Variants in CUL3 observed in about 807,000 individuals in gnomAD.
CUL3 encodes the protein cullin-3.
A neutral mutation model predicts 89.1 loss-of-function variants in CUL3; 19 were observed. That is an observed-to-expected ratio of 0.21 (90% CI 0.15 to 0.31). CUL3 has a LOEUF of 0.31. CUL3 is among the 10% of genes least tolerant of loss of function. CUL3 has a pLI of 1.00. For synonymous variants in CUL3, 351 were observed against 308.4 expected (o/e 1.14, Z -1.45); for missense variants, 469 against 942.3 (o/e 0.50, Z 6.58).
At chr2:224,578,427 T>A (rs1180651104) in intron 1 of CUL3, among the ~76,000 whole-genome samples, 1 of 152,124 alleles carries the variant, frequency 6.6e-6, no homozygotes, top group Admixed American at 6.5e-5. Context: ...CACATGAAAA[T>A]GTTAATGTTG....
At chr2:224,476,140 C>T (rs1691311667) in intron 15 of CUL3, among the ~76,000 whole-genome samples, 1 of 152,048 alleles carries the variant, frequency 6.6e-6, no homozygotes, top group African/African-American at 2.4e-5. Context: ...TCTCCTGCCT[C>T]AGCCTCCCGA....
intron 1 of CUL3, among the ~76,000 whole-genome samples, chr2:224,565,433 G>A (rs1387151342): frequency 6.6e-6 from 1 of 152,146 alleles, no homozygotes; most frequent in East Asian, 1.9e-4. Context: ...GGAGGCAGGA[G>A]AGGGAGCCAT....
intron 1 of CUL3, among the ~76,000 whole-genome samples, chr2:224,567,985 T>C: frequency 6.6e-6 from 1 of 152,192 alleles, no homozygotes; most frequent in East Asian, 1.9e-4. Context: ...AATATACAAC[T>C]TGCTGTTTCT....
intron 3 of CUL3, among the ~76,000 whole-genome samples, chr2:224,526,183 G>A (rs1693465840): frequency 6.6e-6 from 1 of 152,202 alleles, no homozygotes; most frequent in Non-Finnish European, 1.5e-5. Context: ...GCAGGAACTA[G>A]TTTCTTAATT....
rs1442612912 is a variant in CUL3, at chr2:224,470,471, C to T, written c.*3774G>A. Reference sequence around the variant, plus strand: ...CCTGAGAGCTGGCGTAATGGCCAATCTCTGTATCATTACCTGTTAAATTTA... The same window carrying T: ...CCTGAGAGCTGGCGTAATGGCCAATTTCTGTATCATTACCTGTTAAATTTA... On this transcript the variant is annotated 3_prime_UTR_variant, in exon 16 of 16. Coordinates refer to ENST00000264414, the MANE Select transcript of CUL3 (RefSeq NM_003590.5). 1.7e-5 allele frequency: 4 copies of T among 230,324 alleles called. No homozygotes were observed. The highest frequency in any genetic ancestry group is 3.4e-5 in the Non-Finnish European group (4 of 116,538). The allele number at this position is 230,324 out of a possible 1,614,324, so 14.3% of individuals were successfully genotyped here.
chr2:224,502,894 G>A, intron 10 of CUL3, 71 bp downstream of exon 10: 2 of 1,035,838 alleles, frequency 1.9e-6, no homozygotes, highest in South Asian at 1.4e-5. Flanking sequence ...CATCTGCTAA[G>A]TGGATGAAAA....
chr2:224,479,656 T>G (rs925983997), intron 14 of CUL3: 1 of 152,184 alleles, frequency 6.6e-6, no homozygotes, highest in Non-Finnish European at 1.5e-5. Flanking sequence ...GGGAAACTAC[T>G]GAGATATTTG....
intron 1 of CUL3, among the ~76,000 whole-genome samples, chr2:224,572,105 C>T (rs1260038754): frequency 3.9e-5 from 6 of 152,132 alleles, no homozygotes; most frequent in East Asian, 1.9e-4. Flanking sequence ...TGAGTTATTA[C>T]GGCTACATGT....
chr2:224,484,842 AAGATG>A (rs1691658702), intron 13 of CUL3, among the ~76,000 whole-genome samples: 1 of 152,214 alleles, frequency 6.6e-6, no homozygotes, highest in Admixed American at 6.5e-5. Context: ...GAGATCTGGC[AAGATG>A]GCCGAATAGG....
intron 1 of CUL3, among the ~76,000 whole-genome samples, chr2:224,573,833 A>G (rs574894034): frequency 2.0e-5 from 3 of 152,314 alleles, no homozygotes; most frequent in African/African-American, 7.2e-5. Flanking sequence ...TAACCACATT[A>G]TACTTAAAAT....
chr2:224,537,686 G>A (rs771265845), intron 2 of CUL3, among the ~76,000 whole-genome samples: 2 of 151,880 alleles, frequency 1.3e-5, no homozygotes, highest in Non-Finnish European at 2.9e-5. Flanking sequence ...AGCAATCTAC[G>A]CTACATACAA....
intron 3 of CUL3, among the ~76,000 whole-genome samples, chr2:224,518,300 C>T (rs1339401190): frequency 6.6e-5 from 10 of 152,248 alleles, no homozygotes; most frequent in African/African-American, 1.9e-4. Flanking sequence ...TAACATACAA[C>T]AGTATTTCCT....
At chr2:224,530,264 A>T (rs928139556) in intron 3 of CUL3, among the ~76,000 whole-genome samples, 11 of 152,016 alleles carry the variant, frequency 7.2e-5, no homozygotes, top group African/African-American at 2.7e-4. Context: ...AACAAAACAA[A>T]AACAAAAACA....
At chr2:224,571,807 C>A (rs1368208742) in intron 1 of CUL3, among the ~76,000 whole-genome samples, 2 of 152,126 alleles carry the variant, frequency 1.3e-5, no homozygotes, top group Admixed American at 6.5e-5. Context: ...AAACAAAGGC[C>A]ACAGGAAAAG....
intron 3 of CUL3, among the ~76,000 whole-genome samples, chr2:224,515,845 A>AT (rs1416651364): frequency 6.6e-6 from 1 of 152,068 alleles, no homozygotes; most frequent in Non-Finnish European, 1.5e-5. Flanking sequence ...GGCATATACC[A>AT]TCATGCCTGG....
At chr2:224,547,418 G>A (rs1694346084) in intron 2 of CUL3, among the ~76,000 whole-genome samples, 1 of 151,952 alleles carries the variant, frequency 6.6e-6, no homozygotes, top group South Asian at 2.1e-4. Flanking sequence ...GTTATCTACC[G>A]GGACAGTATT....
At chr2:224,543,103 T>C (rs1476134838) in intron 2 of CUL3, among the ~76,000 whole-genome samples, 2 of 152,206 alleles carry the variant, frequency 1.3e-5, no homozygotes, top group Admixed American at 1.3e-4. Context: ...ATTAAATGTC[T>C]AGGTAAAACA....
At chr2:224,540,741 T>C (rs1694072955) in intron 2 of CUL3, among the ~76,000 whole-genome samples, 1 of 152,210 alleles carries the variant, frequency 6.6e-6, no homozygotes, top group African/African-American at 2.4e-5. Flanking sequence ...TGCAGGTTTG[T>C]TACATAGGTA....
chr2:224,564,568 A>C (rs958035893), intron 1 of CUL3, among the ~76,000 whole-genome samples: 1 of 152,168 alleles, frequency 6.6e-6, no homozygotes, highest in Non-Finnish European at 1.5e-5. Context: ...CTAAATTGTA[A>C]ATTAAACGTC....
Sources: gnomAD v4.1 joint callset for allele counts (sites outside exome capture counted in the v4.1 genomes callset) on GRCh38, gnomAD v4.1.1 for gene constraint, MANE v1.5 for transcripts, NCBI Gene and HGNC (gene_info 2026-07-23, HGNC 2026-07-21) for gene names.